Variants in MAML3 observed in about 807,000 individuals in gnomAD.
The protein encoded by MAML3 is mastermind like transcriptional coactivator 3, also known as mastermind-like protein 3.
In MAML3, 27 loss-of-function variants were observed where a neutral mutation model predicts 101.9. The observed-to-expected ratio is 0.27, with a 90% CI of 0.20 to 0.37. The LOEUF (loss-of-function observed/expected upper bound fraction) is 0.37, where lower values mean the gene tolerates loss of function less well. MAML3 is among the 10% of genes least tolerant of loss of function. MAML3 has a pLI of 1.00. For missense variants in MAML3, 1,316 were observed against 1,444.9 expected (o/e 0.91, Z 1.45); for synonymous variants, 501 against 555.9 (o/e 0.90, Z 1.39).
chr4:140,144,102 T>C (rs1729017642), intron 1 of MAML3, among the ~76,000 whole-genome samples: 1 of 152,134 alleles, frequency 6.6e-6, no homozygotes, highest in Admixed American at 6.5e-5. Flanking sequence ...GTGTAATCTC[T>C]TGTAGGATAT....
intron 2 of MAML3, among the ~76,000 whole-genome samples, chr4:139,880,734 T>C (rs1184907055): frequency 6.6e-6 from 1 of 152,196 alleles, no homozygotes; most frequent in African/African-American, 2.4e-5. Context: ...GAAACAATAA[T>C]GTGAATTCTG....
Position 139,716,816 on chromosome 4 carries a change from T to G in MAML3, c.*2507A>C, listed in dbSNP as rs1432607548. On this transcript the variant is annotated 3_prime_UTR_variant, in exon 5 of 5. Coordinates refer to ENST00000509479, the MANE Select transcript of MAML3 (RefSeq NM_018717.5). Reference sequence around the variant, plus strand: ...TTAAAAGTGGTATGTCAACATCACTTCATTTCTACATTTCAGCGTTCTGTA... The same window carrying G: ...TTAAAAGTGGTATGTCAACATCACTGCATTTCTACATTTCAGCGTTCTGTA... 1.3e-5 allele frequency: 2 copies of G among 152,616 alleles called. No individual in the cohort carries two copies. The allele number at this position is 152,616 out of a possible 1,614,324, so 9.5% of individuals were successfully genotyped here. A position where few individuals can be genotyped will look rare whatever the true frequency, so the allele number is the denominator to read the frequency against.
At chr4:139,837,641 C>T (rs1048424782) in intron 2 of MAML3, among the ~76,000 whole-genome samples, 5 of 152,128 alleles carry the variant, frequency 3.3e-5, no homozygotes, top group Non-Finnish European at 7.4e-5. Flanking sequence ...AAGGATAGGC[C>T]AGGCACTGTG....
At chr4:140,065,971 T>A (rs921561923) in intron 1 of MAML3, among the ~76,000 whole-genome samples, 1 of 152,172 alleles carries the variant, frequency 6.6e-6, no homozygotes, top group South Asian at 2.1e-4. Context: ...TACTCAAAGT[T>A]TTCCTCATTT....
intron 2 of MAML3, among the ~76,000 whole-genome samples, chr4:139,755,480 C>A (rs865922707): frequency 6.6e-6 from 1 of 151,960 alleles, no homozygotes; most frequent in Non-Finnish European, 1.5e-5. Context: ...TGGTGGTGGG[C>A]GCCTGTAGTC....
chr4:140,065,406 G>T lies in MAML3; in HGVS notation c.468+87454C>A, dbSNP rs534037655. On this transcript the variant is annotated intron_variant, in intron 1 of 4. Transcript: ENST00000509479. ...TACATATCAGCTGGCTCTACTGATG[G>T]TGCTGTTTCTCATATAAAACACAGC... Among the ~76,000 whole-genome samples the T allele has an allele frequency of 2.6e-5, 4 of 152,122 alleles. No individual in the cohort carries two copies. In the East Asian group the frequency reaches 7.7e-4, roughly 29 times the overall value.
intron 3 of MAML3, among the ~76,000 whole-genome samples, chr4:139,726,913 G>A (rs1728494595): frequency 6.6e-6 from 1 of 152,184 alleles, no homozygotes; most frequent in Non-Finnish European, 1.5e-5. Context: ...TCAGTTCTAG[G>A]TCTGCCGTCA....
chr4:139,742,467 T>G (rs7674828), intron 2 of MAML3, among the ~76,000 whole-genome samples: 106,093 of 152,108 alleles, frequency 0.7, 37,829 homozygotes, highest in Non-Finnish European at 0.79. Flanking sequence ...CTTTTCACTC[T>G]TTAATCAGAA....
chr4:139,994,470 G>C (rs1734763582), intron 1 of MAML3, among the ~76,000 whole-genome samples: 1 of 152,162 alleles, frequency 6.6e-6, no homozygotes, highest in African/African-American at 2.4e-5. Context: ...GTTGAGACCA[G>C]GCTGGGCAAC....
At chr4:139,920,981 G>A (rs1733121202) in intron 1 of MAML3, among the ~76,000 whole-genome samples, 2 of 152,134 alleles carry the variant, frequency 1.3e-5, no homozygotes, top group Admixed American at 1.3e-4. Flanking sequence ...ACACCAACAT[G>A]GGCAGGTGGG....
chr4:139,987,748 C>T (rs1734575393), intron 1 of MAML3, among the ~76,000 whole-genome samples: 1 of 151,978 alleles, frequency 6.6e-6, no homozygotes, highest in Non-Finnish European at 1.5e-5. Context: ...GGCTGGGCCC[C>T]GTGGCTCACA....
In MAML3 at chr4:139,785,815, T is replaced by A. The variant is rs1026173291; in HGVS notation, c.2080-55148A>T. On this transcript the variant is annotated intron_variant, in intron 2 of 4. Coordinates refer to ENST00000509479, the MANE Select transcript of MAML3 (RefSeq NM_018717.5). This position sits in a 1 kb window ranked among gnomAD's most constrained non-coding sequence, Gnocchi z 4.3. ...CAGCTTGTGGTTTGGAAGCTTCTCA[T>A]ACACAGAGAAGGGGGCCTGGGAATT... Among the ~76,000 whole-genome samples the A allele has an allele frequency of 2.0e-5, 3 of 152,130 alleles. No individual in the cohort carries two copies. The highest frequency in any genetic ancestry group is 4.4e-5 in the Non-Finnish European group (3 of 68,014).
chr4:139,947,458 T>A (rs1160626952), intron 1 of MAML3, among the ~76,000 whole-genome samples: 1 of 152,198 alleles, frequency 6.6e-6, no homozygotes, highest in African/African-American at 2.4e-5. Context: ...TCTGGTTTCA[T>A]GTAACACTAA....
chr4:139,722,355 A>G (rs891340924), intron 4 of MAML3, among the ~76,000 whole-genome samples: 2 of 152,184 alleles, frequency 1.3e-5, no homozygotes, highest in Non-Finnish European at 2.9e-5. Flanking sequence ...ATCTAGTTTT[A>G]TGCCTTCCGT....
intron 2 of MAML3, among the ~76,000 whole-genome samples, chr4:139,873,510 G>T (rs950692519): frequency 3.9e-5 from 6 of 152,194 alleles, no homozygotes; most frequent in Non-Finnish European, 1.5e-5. Flanking sequence ...AGTGTGGCTG[G>T]ACTTAAATTA....
chr4:139,920,957 C>T (rs1371721164), intron 1 of MAML3, among the ~76,000 whole-genome samples: 2 of 152,154 alleles, frequency 1.3e-5, no homozygotes, highest in African/African-American at 4.8e-5. Flanking sequence ...TAGAATCTTC[C>T]CTTTGCTCCA....
chr4:140,099,761 A>C (rs927104937), intron 1 of MAML3, among the ~76,000 whole-genome samples: 1 of 152,210 alleles, frequency 6.6e-6, no homozygotes, highest in African/African-American at 2.4e-5. Flanking sequence ...CCCTTCCCCA[A>C]CACACCTCTC....
chr4:139,758,299 T>C (rs1181471371), intron 2 of MAML3, among the ~76,000 whole-genome samples: 1 of 152,180 alleles, frequency 6.6e-6, no homozygotes, highest in African/African-American at 2.4e-5. Flanking sequence ...AGGTATGCCT[T>C]CCTACTCAGC....
rs1560883655 is a variant in MAML3 at position 140,069,421 on chromosome 4, GGA to G, written c.468+83437_468+83438del. 8.5e-3 allele frequency among the ~76,000 whole-genome samples: 229 copies of G among 26,802 alleles called. 12 individuals are homozygous for G. Among genetic ancestry groups the G allele is most frequent in the African/African-American group, 0.02 (202 of 10,048 alleles). The allele number at this position is 26,802 out of a possible 152,430, so 17.6% of individuals were successfully genotyped here. On this transcript the variant is annotated intron_variant, in intron 1 of 4. Coordinates refer to ENST00000509479, the MANE Select transcript of MAML3 (RefSeq NM_018717.5). ...GAGGAGGAGGAGGAGGAGGAGGAGG[GGA>G]AGGAGGAGAAGGAGGAGAAGGAGGA...
Sources: allele counts gnomAD v4.1 joint callset (sites outside exome capture counted in the v4.1 genomes callset), GRCh38; gene constraint gnomAD v4.1.1; non-coding constraint Gnocchi (gnomAD v3.1); transcripts MANE v1.5; gene names NCBI Gene and HGNC (gene_info 2026-07-23, HGNC 2026-07-21).